The following C8orf34 variants were observed in gnomAD, a reference collection of about 807,000 sequenced individuals.
The protein encoded by C8orf34 is chromosome 8 open reading frame 34, also known as uncharacterized protein C8orf34.
C8orf34 carries 65 observed loss-of-function variants against 68.3 expected under a neutral mutation model. The ratio of observed to expected loss-of-function variants is 0.95; its 90% CI spans 0.78 to 1.17. C8orf34 has a LOEUF of 1.17. Among genes scored for constraint, C8orf34 ranks in the 50% most tolerant of loss-of-function variants. The pLI, the probability that C8orf34 is intolerant of heterozygous loss-of-function variation, is 0.00. For synonymous variants in C8orf34, 244 were observed against 241.2 expected, an observed-to-expected ratio of 1.01 and a Z score of -0.11; for missense variants, 664 against 655.4, an observed-to-expected ratio of 1.01 and a Z score of -0.14.
chr8:68,414,596 G>C (rs931999723), intron 1 of C8orf34, among the ~76,000 whole-genome samples: 3 of 125,814 alleles, frequency 2.4e-5, no homozygotes, highest in African/African-American at 8.3e-5. Flanking sequence ...GGGAAACAGA[G>C]ATGTCTAAGA....
chr8:68,506,997 T>C (rs968174109), intron 5 of C8orf34, among the ~76,000 whole-genome samples: 3 of 152,230 alleles, frequency 2.0e-5, no homozygotes, highest in Non-Finnish European at 2.9e-5. Context: ...TAATTGCTTA[T>C]TTCTGTTATT....
rs142491175 is a variant in C8orf34 at position 68,814,541 on chromosome 8, TA to T, written c.1550-1344del. On this transcript the variant is annotated intron_variant, in intron 12 of 13. Coordinates refer to ENST00000518698, the MANE Select transcript of C8orf34 (RefSeq NM_052958.4). ...ATACAACCTCCACCTTCAATCCAAATATTTTTTTGTAGTTCCTATTCATCTA... is the reference window on the plus strand; with the variant it reads ...ATACAACCTCCACCTTCAATCCAAATTTTTTTTGTAGTTCCTATTCATCTA... 5.8e-3 allele frequency among the ~76,000 whole-genome samples: 890 copies of T among 152,322 alleles called. 9 individuals carry two copies. Among genetic ancestry groups the T allele is most frequent in the African/African-American group, 0.02 (843 of 41,590 alleles).
At chr8:68,810,110 C>A (rs58770163) in intron 12 of C8orf34, among the ~76,000 whole-genome samples, 1 of 152,184 alleles carries the variant, frequency 6.6e-6, no homozygotes, top group East Asian at 1.9e-4. Flanking sequence ...TTTGCTTGAG[C>A]CTGCTGGTCT....
intron 1 of C8orf34, among the ~76,000 whole-genome samples, chr8:68,352,022 T>C (rs917638321): frequency 2.6e-5 from 4 of 152,138 alleles, no homozygotes; most frequent in Non-Finnish European, 5.9e-5. Flanking sequence ...TTAAGGTCTT[T>C]GGAACATTTT....
At chr8:68,493,476 A>G (rs1813400230) in intron 5 of C8orf34, among the ~76,000 whole-genome samples, 1 of 152,178 alleles carries the variant, frequency 6.6e-6, no homozygotes, top group Non-Finnish European at 1.5e-5. Flanking sequence ...ACAAAATGAA[A>G]AAATAGCAAG....
intron 7 of C8orf34, among the ~76,000 whole-genome samples, chr8:68,550,158 C>T (rs932861676): frequency 2.6e-5 from 4 of 151,584 alleles, no homozygotes; most frequent in Admixed American, 6.6e-5. Flanking sequence ...GTTCTTTGTT[C>T]CTACTGTTGT....
At chr8:68,495,926 C>T (rs1244462431) in intron 5 of C8orf34, among the ~76,000 whole-genome samples, 1 of 152,224 alleles carries the variant, frequency 6.6e-6, no homozygotes, top group Non-Finnish European at 1.5e-5. Context: ...TAAATAATTA[C>T]TGGGTAAATA....
intron 8 of C8orf34, among the ~76,000 whole-genome samples, chr8:68,660,382 CA>C (rs1427735956): frequency 1.3e-5 from 2 of 152,316 alleles, no homozygotes; most frequent in Admixed American, 6.5e-5. Flanking sequence ...CCAGAGGCCT[CA>C]GCAGAGTACT....
Position 68,520,907 on chromosome 8 carries a change from G to C in C8orf34, c.766-892G>C, listed in dbSNP as rs115179282. ...CATTACATATTTACTGTAGCAAATAGAAATGATGTTGCAATGCAAAAAGAA... is the reference window on the plus strand; with the variant it reads ...CATTACATATTTACTGTAGCAAATACAAATGATGTTGCAATGCAAAAAGAA... On this transcript the variant is annotated intron_variant, in intron 5 of 13. Transcript: ENST00000518698. Among the ~76,000 whole-genome samples, 324 of 152,298 alleles carry C rather than the reference G, an allele frequency of 2.1e-3. 1 individual carries two copies. Among genetic ancestry groups the C allele is most frequent in the African/African-American group, 7.3e-3 (305 of 41,570 alleles).
At chr8:68,416,574 C>T (rs1391619720) in intron 1 of C8orf34, among the ~76,000 whole-genome samples, 4 of 151,060 alleles carry the variant, frequency 2.6e-5, no homozygotes, top group African/African-American at 2.4e-5. Context: ...CTCTTTTGCC[C>T]AGGCTGGAGT....
At chr8:68,388,600 C>T (rs1337311825) in intron 1 of C8orf34, among the ~76,000 whole-genome samples, 2 of 152,066 alleles carry the variant, frequency 1.3e-5, no homozygotes, top group Non-Finnish European at 2.9e-5. Context: ...GGCAATATGG[C>T]ATCATGATAC....
intron 8 of C8orf34, among the ~76,000 whole-genome samples, chr8:68,680,988 G>A (rs1820352957): frequency 6.6e-6 from 1 of 152,070 alleles, no homozygotes; most frequent in South Asian, 2.1e-4. Context: ...AATATTCCTT[G>A]CTAGGAAAAG....
At position 68,633,366 on chromosome 8, in the gene C8orf34, T is replaced by G. The variant is rs1378554447; in HGVS notation, c.1106-7010T>G. Among the ~76,000 whole-genome samples, 4 of 152,342 alleles carry G rather than the reference T, an allele frequency of 2.6e-5. No individual in the cohort carries two copies. The East Asian group carries it at 7.7e-4, about 29-fold the overall frequency. ...CCTCAGTTGCTTTCTTATGTATTTCTTATAAGAGTTAAAACATTTATTTTT... is the reference window on the plus strand; with the variant it reads ...CCTCAGTTGCTTTCTTATGTATTTCGTATAAGAGTTAAAACATTTATTTTT... On this transcript the variant is annotated intron_variant, in intron 7 of 13. Transcript: ENST00000518698.
At chr8:68,573,514 G>C (rs1816815981) in intron 7 of C8orf34, among the ~76,000 whole-genome samples, 1 of 152,150 alleles carries the variant, frequency 6.6e-6, no homozygotes, top group Non-Finnish European at 1.5e-5. Context: ...ATGCATGAGA[G>C]AGATTTATTC....
chr8:68,806,564 T>C (rs1824492928), intron 12 of C8orf34, among the ~76,000 whole-genome samples: 2 of 152,218 alleles, frequency 1.3e-5, no homozygotes, highest in Admixed American at 1.3e-4. Flanking sequence ...TGTTAGATTA[T>C]TACGTCTTCA....
intron 7 of C8orf34, among the ~76,000 whole-genome samples, chr8:68,597,356 G>C (rs1482512337): frequency 6.6e-6 from 1 of 152,048 alleles, no homozygotes; most frequent in Non-Finnish European, 1.5e-5. Flanking sequence ...TATGTATGAA[G>C]TAAGGTGTTA....
In C8orf34 at chr8:68,493,204, A is replaced by G. The variant is rs113389479; in HGVS notation, c.765+5153A>G. ...ATATCATTACACTTCCGTGCATCAA[A>G]GGACACAACACTCACAAATTACACA... On this transcript the variant is annotated intron_variant, in intron 5 of 13. Transcript: ENST00000518698. 8.4e-3 allele frequency among the ~76,000 whole-genome samples: 1,281 copies of G among 152,324 alleles called. 17 individuals are homozygous for G. The highest frequency in any genetic ancestry group is 0.027 in the African/African-American group (1,124 of 41,576).
At chr8:68,533,962 G>A (rs949816294) in intron 7 of C8orf34, 90 of 847,644 alleles carry the variant, frequency 1.1e-4, no homozygotes, top group South Asian at 2.7e-4. Context: ...TATTTAGAAA[G>A]AGAATAAATA....
chr8:68,671,534 ACATTTTAGAAT>A (rs2130842489), intron 8 of C8orf34, among the ~76,000 whole-genome samples: 1 of 152,328 alleles, frequency 6.6e-6, no homozygotes, highest in Non-Finnish European at 1.5e-5. Flanking sequence ...AAGTAGAGCG[ACATTTTAGAAT>A]ACAATACTAG....
Sources: gnomAD v4.1 joint callset for allele counts (sites outside exome capture counted in the v4.1 genomes callset) on GRCh38, gnomAD v4.1.1 for gene constraint, MANE v1.5 for transcripts, NCBI Gene and HGNC (gene_info 2026-07-23, HGNC 2026-07-21) for gene names.